RIT2: variants seen among roughly 807,000 people sequenced by gnomAD.
RIT2 encodes the protein Ras like without CAAX 2.
A neutral mutation model predicts 23.7 loss-of-function variants in RIT2; 24 were observed. The observed-to-expected ratio is 1.01, with a 90% CI of 0.73 to 1.43. The LOEUF (loss-of-function observed/expected upper bound fraction) is 1.43, where lower values mean the gene tolerates loss of function less well. Ranked by LOEUF, RIT2 falls within the 40% of genes most tolerant of loss-of-function variation. RIT2 has a pLI of 0.00. For synonymous variants in RIT2, 107 were observed against 91.1 expected (o/e 1.17, Z -0.99); for missense variants, 236 against 266.9 (o/e 0.88, Z 0.81).
At chr18:42,818,673 C>T (rs2143988659) in intron 4 of RIT2, among the ~76,000 whole-genome samples, 1 of 152,118 alleles carries the variant, frequency 6.6e-6, no homozygotes, top group Non-Finnish European at 1.5e-5. Flanking sequence ...ATACTGTACG[C>T]ATGCTACTGA....
chr18:42,813,300 T>C (rs1905903310), intron 4 of RIT2, among the ~76,000 whole-genome samples: 1 of 152,082 alleles, frequency 6.6e-6, no homozygotes, highest in Non-Finnish European at 1.5e-5. Context: ...ATTAAGAAAA[T>C]AATCATTGAA....
chr18:43,071,158 G>A (rs1042966252), intron 1 of RIT2, among the ~76,000 whole-genome samples: 9 of 152,022 alleles, frequency 5.9e-5, no homozygotes, highest in African/African-American at 2.2e-4. Context: ...TTTTAATTGC[G>A]AGGTTTGCTT....
At chr18:43,107,739 G>A (rs1913857982) in intron 1 of RIT2, among the ~76,000 whole-genome samples, 1 of 152,062 alleles carries the variant, frequency 6.6e-6, no homozygotes, top group Non-Finnish European at 1.5e-5. Context: ...ATGCTAAATT[G>A]TTTAGTCAGA....
At chr18:42,909,027 A>G (rs1908697459) in intron 4 of RIT2, among the ~76,000 whole-genome samples, 1 of 152,126 alleles carries the variant, frequency 6.6e-6, no homozygotes, top group Non-Finnish European at 1.5e-5. Context: ...ACATCCACAC[A>G]TGTTTATAGC....
chr18:43,076,267 A>G (rs1913011176), intron 1 of RIT2, among the ~76,000 whole-genome samples: 1 of 152,196 alleles, frequency 6.6e-6, no homozygotes, highest in South Asian at 2.1e-4. Context: ...GTGTTGACCG[A>G]TTTCTGCAGT....
chr18:42,914,849 G>A (rs768342821), intron 4 of RIT2, among the ~76,000 whole-genome samples: 9 of 151,920 alleles, frequency 5.9e-5, no homozygotes, highest in South Asian at 4.1e-4. Flanking sequence ...TTCTAGAGTT[G>A]CATAAGATGT....
At chr18:43,067,714 G>T (rs1912802930) in intron 1 of RIT2, among the ~76,000 whole-genome samples, 1 of 152,144 alleles carries the variant, frequency 6.6e-6, no homozygotes, top group African/African-American at 2.4e-5. Context: ...GATTGTAAAT[G>T]TTCCTTATCA....
chr18:42,907,751 CAGG>C (rs35343923), intron 4 of RIT2, among the ~76,000 whole-genome samples: 68,414 of 151,746 alleles, frequency 0.45, 19,687 homozygotes, highest in Non-Finnish European at 0.65. Flanking sequence ...GAGGCCAAGG[CAGG>C]AGGATTCTTG....
intron 1 of RIT2, among the ~76,000 whole-genome samples, chr18:43,114,009 C>T (rs1914010952): frequency 6.6e-6 from 1 of 152,044 alleles, no homozygotes; most frequent in Non-Finnish European, 1.5e-5. Context: ...ATCATGTTGT[C>T]TCTATCCTTC....
chr18:42,860,189 G>A lies in RIT2; in HGVS notation c.426+63383C>T, dbSNP rs1234313419. On this transcript the variant is annotated intron_variant, in intron 4 of 4. Coordinates refer to ENST00000326695, the MANE Select transcript of RIT2 (RefSeq NM_002930.4). ...TGGGAAATTTCATGTGAGTCATGCA[G>A]TGCTGTAGAGATTAAGTTTCTAGGG... is the stretch of plus-strand genomic sequence containing the variant. 2.6e-5 allele frequency among the ~76,000 whole-genome samples: 4 copies of A among 152,194 alleles called. No individual in the cohort carries two copies. In the East Asian group the frequency reaches 7.7e-4, roughly 29 times the overall value.
chr18:43,026,024 C>T (rs1411151153), intron 2 of RIT2, among the ~76,000 whole-genome samples: 1 of 151,962 alleles, frequency 6.6e-6, no homozygotes, highest in Non-Finnish European at 1.5e-5. Flanking sequence ...TGAAAATAAG[C>T]TGCAAAGTGA....
chr18:42,889,933 T>C (rs1417313136), intron 4 of RIT2, among the ~76,000 whole-genome samples: 1 of 152,122 alleles, frequency 6.6e-6, no homozygotes, highest in East Asian at 1.9e-4. Context: ...TGAATTTGTT[T>C]AGTTTTGTTC....
At chr18:42,958,250 C>T (rs577819153) in intron 3 of RIT2, among the ~76,000 whole-genome samples, 1 of 152,294 alleles carries the variant, frequency 6.6e-6, no homozygotes, top group South Asian at 2.1e-4. Flanking sequence ...TTTGCATTAG[C>T]ATCCCAGCAA....
intron 3 of RIT2, among the ~76,000 whole-genome samples, chr18:42,950,595 A>G (rs988237238): frequency 6.6e-6 from 1 of 152,120 alleles, no homozygotes; most frequent in Non-Finnish European, 1.5e-5. Context: ...CTTTCAATAG[A>G]GTAAACAGAC....
chr18:42,849,610 A>G (rs1906996306), intron 4 of RIT2, among the ~76,000 whole-genome samples: 1 of 152,212 alleles, frequency 6.6e-6, no homozygotes, highest in Non-Finnish European at 1.5e-5. Context: ...GTACAACTGA[A>G]GCACCACGTT....
chr18:42,942,657 C>T (rs1377734033), intron 3 of RIT2, among the ~76,000 whole-genome samples: 1 of 152,058 alleles, frequency 6.6e-6, no homozygotes, highest in African/African-American at 2.4e-5. Context: ...ATTAGGTGAA[C>T]TGTTAGGTTT....
intron 3 of RIT2, among the ~76,000 whole-genome samples, chr18:42,968,662 A>C (rs1910293634): frequency 6.6e-6 from 1 of 152,182 alleles, no homozygotes; most frequent in Non-Finnish European, 1.5e-5. Context: ...TTCTTTATCA[A>C]GTTTTCTTTT....
intron 1 of RIT2, among the ~76,000 whole-genome samples, chr18:43,056,365 G>C (rs1425010603): frequency 2.6e-5 from 4 of 151,980 alleles, no homozygotes; most frequent in Non-Finnish European, 5.9e-5. Context: ...CAAAAAAAAC[G>C]ATGAAAGTAA....
intron 1 of RIT2, among the ~76,000 whole-genome samples, chr18:43,058,270 G>C (rs535023224): frequency 4.6e-5 from 7 of 152,070 alleles, no homozygotes; most frequent in Non-Finnish European, 1.0e-4. Context: ...TCTATGAAAG[G>C]ATGATCAAGT....
Sources: allele counts gnomAD v4.1 joint callset (sites outside exome capture counted in the v4.1 genomes callset), GRCh38; gene constraint gnomAD v4.1.1; transcripts MANE v1.5; gene names NCBI Gene and HGNC (gene_info 2026-07-23, HGNC 2026-07-21).